The following PTPRN2 variants were observed in gnomAD, a reference collection of about 807,000 sequenced individuals.
The protein encoded by PTPRN2 is protein tyrosine phosphatase receptor type N2.
A neutral mutation model predicts 118.8 loss-of-function variants in PTPRN2; 74 were observed. The ratio of observed to expected loss-of-function variants is 0.62; its 90% CI spans 0.52 to 0.76. The LOEUF (loss-of-function observed/expected upper bound fraction) is 0.76, where lower values mean the gene tolerates loss of function less well. Ranked by LOEUF, PTPRN2 falls within the 30% of genes least tolerant of loss-of-function variation. The pLI is 0.00. For missense variants in PTPRN2, 1,481 were observed against 1,394.4 expected, an observed-to-expected ratio of 1.06 and a Z score of -0.99; for synonymous variants, 641 against 608.0, an observed-to-expected ratio of 1.05 and a Z score of -0.80.
chr7:157,703,429 T>C (rs1026019768), intron 12 of PTPRN2, among the ~76,000 whole-genome samples: 2 of 152,120 alleles, frequency 1.3e-5, no homozygotes, highest in East Asian at 1.9e-4. Flanking sequence ...GCACAGCCTA[T>C]AGGGACGCAG....
intron 13 of PTPRN2, among the ~76,000 whole-genome samples, chr7:157,678,075 A>G (rs1796754003): frequency 6.6e-6 from 1 of 152,224 alleles, no homozygotes; most frequent in Non-Finnish European, 1.5e-5. Flanking sequence ...TTACAATAAA[A>G]TGTTCTCTAA....
chr7:157,682,998 C>CA, intron 12 of PTPRN2, 61 bp from the exon 13 acceptor site: 1 of 1,390,060 alleles, frequency 7.2e-7, no homozygotes, highest in Admixed American at 1.9e-5. Context: ...CCTAAAAACA[C>CA]ACGTCTCCAA....
intron 5 of PTPRN2, among the ~76,000 whole-genome samples, chr7:158,185,849 G>C (rs996974459): frequency 5.9e-5 from 9 of 152,150 alleles, no homozygotes; most frequent in African/African-American, 2.2e-4. Context: ...GTCAGTTTGT[G>C]AGTTTCTGAA....
chr7:158,420,176 GAC>G (rs1012536875), intron 2 of PTPRN2, among the ~76,000 whole-genome samples: 29 of 152,116 alleles, frequency 1.9e-4, no homozygotes, highest in Non-Finnish European at 3.4e-4. Context: ...AGGCAGGCAG[GAC>G]ACATTGTCTC....
At chr7:158,411,453 C>G (rs1038208392) in intron 2 of PTPRN2, among the ~76,000 whole-genome samples, 1 of 152,102 alleles carries the variant, frequency 6.6e-6, no homozygotes, top group Non-Finnish European at 1.5e-5. Flanking sequence ...TGCACATGCC[C>G]GGCCACCACT....
intron 3 of PTPRN2, among the ~76,000 whole-genome samples, chr7:158,263,007 C>T (rs920830024): frequency 6.7e-6 from 1 of 148,886 alleles, no homozygotes; most frequent in Non-Finnish European, 1.5e-5. Flanking sequence ...TGCACACACA[C>T]ATTCACACAC....
In PTPRN2 at chr7:157,730,937, C is replaced by A. The variant is rs77441620; in HGVS notation, c.1789-48000G>T. Among the ~76,000 whole-genome samples, 766 of 152,318 alleles carry A rather than the reference C, an allele frequency of 5.0e-3. 14 individuals carry two copies. The highest frequency in any genetic ancestry group is 0.044 in the East Asian group (228 of 5,176). On this transcript the variant is annotated intron_variant, in intron 12 of 22. Coordinates refer to ENST00000389418, the MANE Select transcript of PTPRN2 (RefSeq NM_002847.5). ...CTGCACTAGGACTTTCCCCTTCTCC[C>A]CAACTCCCCACCCAATGCCCCCTCT...
chr7:157,730,581 G>A (rs1158607819), intron 12 of PTPRN2, among the ~76,000 whole-genome samples: 1 of 152,206 alleles, frequency 6.6e-6, no homozygotes, highest in Non-Finnish European at 1.5e-5. Context: ...TCCCATTACT[G>A]AGGTTGTCAA....
intron 15 of PTPRN2, among the ~76,000 whole-genome samples, chr7:157,608,732 C>T (rs1171555290): frequency 6.6e-6 from 1 of 152,128 alleles, no homozygotes; most frequent in Non-Finnish European, 1.5e-5. Flanking sequence ...GAGATGAAGC[C>T]AGGGCAGGCC....
chr7:158,019,713 T>G (rs12534776), intron 11 of PTPRN2, among the ~76,000 whole-genome samples: 2 of 151,892 alleles, frequency 1.3e-5, no homozygotes, highest in Non-Finnish European at 2.9e-5. Context: ...CTGTGTCCCC[T>G]CCAAGTCCCA....
At chr7:158,521,903 AG>A (rs1166147216) in intron 1 of PTPRN2, among the ~76,000 whole-genome samples, 1 of 34,942 alleles carries the variant, frequency 2.9e-5, no homozygotes, top group East Asian at 8.1e-4. Context: ...GTACTGGCTC[AG>A]GAGGGAGGTC....
chr7:157,882,318 T>A (rs1438033154), intron 12 of PTPRN2, among the ~76,000 whole-genome samples: 4 of 125,226 alleles, frequency 3.2e-5, no homozygotes, highest in Admixed American at 1.6e-4. Flanking sequence ...CTATCAGAGA[T>A]CAGAACACAC....
chr7:157,913,674 T>C (rs984532636), intron 11 of PTPRN2, among the ~76,000 whole-genome samples: 3 of 152,264 alleles, frequency 2.0e-5, no homozygotes, highest in African/African-American at 4.8e-5. Context: ...ATTAATGTGA[T>C]AGACTACATT....
At chr7:158,581,174 C>G (rs948848532) in intron 1 of PTPRN2, among the ~76,000 whole-genome samples, 1 of 151,770 alleles carries the variant, frequency 6.6e-6, no homozygotes, top group Non-Finnish European at 1.5e-5. Context: ...GGGATGACCA[C>G]TGGGAGAGAA....
chr7:158,441,898 C>CATGGCAGTGATGGTGATAGCGATGGTG (rs1563299210), intron 2 of PTPRN2, among the ~76,000 whole-genome samples: 2 of 49,024 alleles, frequency 4.1e-5, no homozygotes, highest in African/African-American at 9.1e-5. Context: ...TAGTGATGGT[C>CATGGCAGTGATGGTGATAGCGATGGTG]ATGGCAGTGG....
intron 14 of PTPRN2, among the ~76,000 whole-genome samples, chr7:157,624,104 T>C (rs984753885): frequency 5.9e-5 from 9 of 152,140 alleles, no homozygotes; most frequent in Non-Finnish European, 1.2e-4. Flanking sequence ...TGATGGGTTA[T>C]GGCCCAAGAA....
intron 1 of PTPRN2, among the ~76,000 whole-genome samples, chr7:158,522,638 T>C (rs1356004029): frequency 2.6e-5 from 4 of 152,214 alleles, no homozygotes; most frequent in African/African-American, 4.8e-5. Flanking sequence ...TTGCTGCGGC[T>C]AGATGCAGTC....
intron 3 of PTPRN2, among the ~76,000 whole-genome samples, chr7:158,273,459 C>CACA (rs1563072640): frequency 1.4e-5 from 2 of 142,546 alleles, no homozygotes; most frequent in Non-Finnish European, 3.1e-5. Flanking sequence ...GAGCCGCAGA[C>CACA]GCAGGGGGAG....
intron 12 of PTPRN2, among the ~76,000 whole-genome samples, chr7:157,877,010 C>T (rs1341775579): frequency 6.6e-6 from 1 of 152,212 alleles, no homozygotes; most frequent in Non-Finnish European, 1.5e-5. Context: ...AACCCCAGGC[C>T]TGAGTGTGGC....
Sources: gnomAD v4.1 joint callset for allele counts (sites outside exome capture counted in the v4.1 genomes callset) on GRCh38, gnomAD v4.1.1 for gene constraint, MANE v1.5 for transcripts, NCBI Gene and HGNC (gene_info 2026-07-23, HGNC 2026-07-21) for gene names.